Variants in PIK3R1 observed in about 807,000 individuals in gnomAD.
PIK3R1 encodes the protein phosphoinositide-3-kinase regulatory subunit 1, also known as phosphatidylinositol 3-kinase regulatory subunit alpha.
In PIK3R1, 29 loss-of-function variants were observed where a neutral mutation model predicts 98.0. The ratio of observed to expected loss-of-function variants is 0.30; its 90% CI spans 0.22 to 0.40. The LOEUF (loss-of-function observed/expected upper bound fraction) is 0.40. PIK3R1 is among the 10% of genes least tolerant of loss of function. The probability of loss-of-function intolerance (pLI) is 1.00; values close to 1 mark genes in which losing one functional copy is unlikely to be tolerated. For synonymous variants in PIK3R1, 282 were observed against 311.8 expected, an observed-to-expected ratio of 0.90 and a Z score of 1.01; for missense variants, 596 against 872.7, an observed-to-expected ratio of 0.68 and a Z score of 3.99.
chr5:68,235,519 C>CT (rs1422292688), intron 2 of PIK3R1, among the ~76,000 whole-genome samples: 3 of 151,998 alleles, frequency 2.0e-5, no homozygotes, highest in African/African-American at 7.2e-5. Flanking sequence ...TGTTTCCCAA[C>CT]TATAGAAACA....
chr5:68,260,006 T>C (rs757692848), intron 2 of PIK3R1, among the ~76,000 whole-genome samples: 3 of 152,314 alleles, frequency 2.0e-5, no homozygotes, highest in African/African-American at 4.8e-5. Flanking sequence ...ACCTTTCTTA[T>C]AATGTTATGA....
chr5:68,275,723 A>G (rs1443818060), intron 4 of PIK3R1, among the ~76,000 whole-genome samples: 1 of 152,180 alleles, frequency 6.6e-6, no homozygotes, highest in African/African-American at 2.4e-5. Flanking sequence ...ATGATGTCCA[A>G]ACTTGGGAGT....
In PIK3R1 at chr5:68,226,958, C is replaced by G. The variant is rs1297703253; in HGVS notation, c.283C>G (p.Leu95Val). 6.2e-7 allele frequency: 1 copy of G among 1,613,844 alleles called. No homozygotes were observed. The highest frequency in any genetic ancestry group is 8.5e-7 in the Non-Finnish European group (1 of 1,179,952). Residue 95 changes from leucine to valine, a missense_variant, in exon 2 of 16, where the codon CTT becomes GTT. Leu to Val is a conservative substitution (Grantham distance 32). Transcript: ENST00000521381. ...PTPKPRPPRPLPVAPGSSKTE... is the reference protein window; with the variant it reads ...PTPKPRPPRPVPVAPGSSKTE... ...ACCAAAGCCCCGGCCACCTCGGCCT[C>G]TTCCTGTTGCACCAGGTTCTTCGAA...
chr5:68,278,126 A>G (rs1364077817), intron 4 of PIK3R1, among the ~76,000 whole-genome samples: 1 of 151,920 alleles, frequency 6.6e-6, no homozygotes, highest in African/African-American at 2.4e-5. Flanking sequence ...TTCCAACCCA[A>G]GTACTTAGAG....
intron 2 of PIK3R1, among the ~76,000 whole-genome samples, chr5:68,257,823 C>T (rs1745581554): frequency 6.6e-6 from 1 of 152,188 alleles, no homozygotes; most frequent in Non-Finnish European, 1.5e-5. Flanking sequence ...TCCCTGTTAT[C>T]TTCTTGTTGC....
chr5:68,232,803 G>A (rs1461038366), intron 2 of PIK3R1, among the ~76,000 whole-genome samples: 3 of 152,180 alleles, frequency 2.0e-5, no homozygotes, highest in Non-Finnish European at 4.4e-5. Context: ...AGGGTCCAGT[G>A]TCCTTATATG....
rs2112261968 is a variant in PIK3R1 at position 68,293,701 on chromosome 5, C to T, written c.1300-8C>T. The stretch of plus-strand genomic sequence containing the variant: ...CCTTATCCATTGAATTTATTTTAAT[C>T]TTTCTAGGATCAAGTTGTCAAAGAA... On this transcript the variant is annotated splice_region_variant and splice_polypyrimidine_tract_variant and intron_variant, in intron 10 of 15. Transcript: ENST00000521381. 1.4e-6 allele frequency: 2 copies of T among 1,419,472 alleles called. No homozygotes were observed. Among genetic ancestry groups the T allele is most frequent in the South Asian group, 1.2e-5 (1 of 80,140 alleles). The allele number at this position is 1,419,472 out of a possible 1,614,324, so 87.9% of individuals were successfully genotyped here. A position where few individuals can be genotyped will look rare whatever the true frequency, so the allele number is the denominator to read the frequency against.
chr5:68,220,778 G>A (rs1744065222), intron 1 of PIK3R1, among the ~76,000 whole-genome samples: 1 of 152,144 alleles, frequency 6.6e-6, no homozygotes, highest in Non-Finnish European at 1.5e-5. Flanking sequence ...TGAATTTGAT[G>A]TCTATTATTT....
chr5:68,279,767 C>T (rs1460041558), intron 5 of PIK3R1, 34 bp downstream of exon 5: 4 of 1,606,110 alleles, frequency 2.5e-6, no homozygotes, highest in African/African-American at 1.3e-5. Context: ...CCTCATTGAA[C>T]ATACATGGAG....
At chr5:68,227,125 C>CACACA in intron 2 of PIK3R1, 116 bp downstream of exon 2, 1 of 831,470 alleles carries the variant, frequency 1.2e-6, no homozygotes, top group Non-Finnish European at 1.9e-6. Flanking sequence ...GCAACTGCAC[C>CACACA]TGAATTGATG....
intron 7 of PIK3R1, chr5:68,288,785 C>G (rs749323349): frequency 3.1e-6 from 5 of 1,598,338 alleles, no homozygotes; most frequent in South Asian, 1.1e-5. Context: ...CTTCTCTGTT[C>G]CTTATCTGAG....
rs1375740832 is a variant in PIK3R1, at chr5:68,300,229, C to T, written c.*2628C>T. Reference sequence around the variant, plus strand: ...CATTGAACAGCAAAGTAGGATTCATCATTCCATATGACTTGAGTTACACCA... The same window carrying T: ...CATTGAACAGCAAAGTAGGATTCATTATTCCATATGACTTGAGTTACACCA... On this transcript the variant is annotated 3_prime_UTR_variant, in exon 16 of 16. Transcript: ENST00000521381. The T allele has an allele frequency of 4.3e-6, 1 of 233,064 alleles. No individual in the cohort carries two copies. The highest frequency in any genetic ancestry group is 8.5e-6 in the Non-Finnish European group (1 of 117,996). The allele number at this position is 233,064 out of a possible 1,614,324, so 14.4% of individuals were successfully genotyped here.
intron 2 of PIK3R1, among the ~76,000 whole-genome samples, chr5:68,250,900 C>T (rs1300371442): frequency 2.0e-5 from 3 of 152,314 alleles, no homozygotes; most frequent in Middle Eastern, 3.4e-3. Context: ...AACCTGCTTA[C>T]CAGCAGTACT....
At chr5:68,221,364 G>C (rs1580168164) in intron 1 of PIK3R1, among the ~76,000 whole-genome samples, 1 of 152,136 alleles carries the variant, frequency 6.6e-6, no homozygotes. Context: ...ATGAATTTAG[G>C]TGAGGAGCTT....
rs191632399 is a variant in PIK3R1, at chr5:68,299,882, G to A, written c.*2281G>A. The A allele has an allele frequency of 2.6e-5, 6 of 233,042 alleles. No individual in the cohort carries two copies. Among genetic ancestry groups the A allele is most frequent in the Admixed American group, 2.2e-4 (4 of 17,788 alleles). 14.4% of individuals were successfully genotyped at this position (233,042 alleles called of 1,614,324 possible). A position where few individuals can be genotyped will look rare whatever the true frequency, so the allele number is the denominator to read the frequency against. ...CTGATCTGACCATTTCCCTCTCATC[G>A]CCAGACAACTGACGATTTCCCTGGT... is the stretch of plus-strand genomic sequence containing the variant. On this transcript the variant is annotated 3_prime_UTR_variant, in exon 16 of 16. Coordinates refer to ENST00000521381, the MANE Select transcript of PIK3R1 (RefSeq NM_181523.3).
intron 1 of PIK3R1, among the ~76,000 whole-genome samples, chr5:68,216,215 C>T (rs903960954): frequency 2.6e-5 from 4 of 152,178 alleles, no homozygotes; most frequent in Non-Finnish European, 5.9e-5. Flanking sequence ...GCGAGCTGGT[C>T]CTGCACGCCG....
At chr5:68,272,036 A>T (rs1746382085) in intron 2 of PIK3R1, among the ~76,000 whole-genome samples, 1 of 152,080 alleles carries the variant, frequency 6.6e-6, no homozygotes, top group Non-Finnish European at 1.5e-5. Context: ...GGATTGCTTG[A>T]GTCCATGAGT....
intron 7 of PIK3R1, chr5:68,290,669 T>C: frequency 1.3e-6 from 2 of 1,564,648 alleles, no homozygotes; most frequent in Non-Finnish European, 1.7e-6. Context: ...AAGACACCAT[T>C]ACAAAGAAAG....
At chr5:68,288,544 A>G in intron 7 of PIK3R1, 1 of 1,467,796 alleles carries the variant, frequency 6.8e-7, no homozygotes, top group Non-Finnish European at 8.9e-7. Context: ...GAGCTGGGCC[A>G]CTGTGCACGC....
Sources: allele counts gnomAD v4.1 joint callset (sites outside exome capture counted in the v4.1 genomes callset), GRCh38; gene constraint gnomAD v4.1.1; transcripts MANE v1.5; gene names NCBI Gene and HGNC (gene_info 2026-07-23, HGNC 2026-07-21).